Variants in PDHB observed in about 807,000 individuals in gnomAD.
PDHB encodes pyruvate dehydrogenase E1 subunit beta, also known as pyruvate dehydrogenase E1 component subunit beta, mitochondrial.
In PDHB, 17 loss-of-function variants were observed where a neutral mutation model predicts 42.8. The ratio of observed to expected loss-of-function variants is 0.40; its 90% CI spans 0.27 to 0.60. The LOEUF (loss-of-function observed/expected upper bound fraction) is 0.60, where lower values mean the gene tolerates loss of function less well. PDHB is among the 20% of genes least tolerant of loss of function. The pLI is 0.46. For missense variants in PDHB, 322 were observed against 451.3 expected (o/e 0.71, Z 2.60); for synonymous variants, 154 against 148.7 (o/e 1.04, Z -0.26).
In PDHB at chr3:58,431,602, A is replaced by T; in HGVS notation, c.294T>A (p.Gly98=). ...AAAGAGTATTACATACCATAGCTGC[A>T]CCTACAGCAATTCCAGCAAAGCCCA... ...SEMGFAGIAV[G]AAMAGLRPIC... Residue 98 remains glycine (G), a synonymous_variant, in exon 5 of 10, where the codon GGT becomes GGA. Transcript: ENST00000302746. The surrounding 1 kb of genome is among the most constrained non-coding windows in gnomAD (Gnocchi z 4.4). 6.2e-7 allele frequency: 1 copy of T among 1,604,970 alleles called. No individual in the cohort carries two copies.
intron 6 of PDHB, 124 bp from the exon 7 acceptor site, chr3:58,430,362 A>G: frequency 1.4e-6 from 1 of 725,748 alleles, no homozygotes; most frequent in Non-Finnish European, 2.3e-6. Flanking sequence ...TATCTCTACC[A>G]TGACCAGCAG....
chr3:58,430,705 C>G lies in PDHB; in HGVS notation c.541G>C (p.Glu181Gln). 6.2e-7 allele frequency: 1 copy of G among 1,614,156 alleles called. No homozygotes were observed. Among genetic ancestry groups the G allele is most frequent in the Non-Finnish European group, 8.5e-7 (1 of 1,180,022 alleles). Reference protein sequence around the residue: ...GLKVVSPWNSEDAKGLIKSAI... With the variant: ...GLKVVSPWNSQDAKGLIKSAI... ...GATTTAATAAGTCCTTTAGCATCCT[C>G]TGAATTCCAGGGACTGACCACCTTT... Residue 181 changes from glutamate to glutamine, a missense_variant, in exon 6 of 10, where the codon GAG becomes CAG. By Grantham distance (29) the Glu-to-Gln change is conservative. Transcript: ENST00000302746.
Position 58,431,178 on chromosome 3 carries a change from C to T in PDHB, c.304-236G>A, listed in dbSNP as rs543027212. On this transcript the variant is annotated intron_variant, in intron 5 of 9. Transcript: ENST00000302746. The surrounding 1 kb of genome is among the most constrained non-coding windows in gnomAD (Gnocchi z 4.4). ...TCCTCAGCATCCCGAGTAGCTGGGA[C>T]TGCAGGCAAGCACCACCACATCTAC... The T allele has an allele frequency of 7.2e-5, 41 of 568,504 alleles. No individual in the cohort carries two copies. The highest frequency in any genetic ancestry group is 6.4e-4 in the African/African-American group (34 of 53,456). 35.2% of individuals were successfully genotyped at this position (568,504 alleles called of 1,614,324 possible). A position where few individuals can be genotyped will look rare whatever the true frequency, so the allele number is the denominator to read the frequency against.
Position 58,428,603 on chromosome 3 carries a change from C to T in PDHB, c.804G>A (p.Met268Ile), listed in dbSNP as rs774836997. Residue 268 changes from methionine to isoleucine, a missense_variant, in exon 9 of 10, where the codon ATG becomes ATA. Met to Ile is a conservative substitution (Grantham distance 10). Transcript: ENST00000302746. Reference sequence around the variant, plus strand: ...CCATGTCCATTGGTCTAATGGTACGCATATTTATCACCTAAACAGGTAATA... The same window carrying T: ...CCATGTCCATTGGTCTAATGGTACGTATATTTATCACCTAAACAGGTAATA... ...KEGVECEVIN[M>I]RTIRPMDMET... 4.3e-6 allele frequency: 7 copies of T among 1,612,654 alleles called. No homozygotes were observed. In the South Asian group the frequency reaches 7.7e-5, roughly 18 times the overall value.
At chr3:58,429,945 GA>G (rs1467068293) in intron 7 of PDHB, 146 bp from the exon 8 acceptor site, 1 of 738,606 alleles carries the variant, frequency 1.4e-6, no homozygotes, top group Non-Finnish European at 2.5e-6. Flanking sequence ...AGCCTTCCTA[GA>G]AATGAAACAC....
In PDHB at chr3:58,431,868, T is replaced by G. The variant is rs202068841; in HGVS notation, c.204+9A>C. 357 of 1,608,728 alleles carry G rather than the reference T, an allele frequency of 2.2e-4. 1 individual carries two copies. In the African/African-American group the frequency reaches 3.7e-3, roughly 17 times the overall value. On this transcript the variant is annotated intron_variant, in intron 3 of 9. Transcript: ENST00000302746. The surrounding 1 kb of genome is among the most constrained non-coding windows in gnomAD (Gnocchi z 4.4). ...TCAATTTTGTATAACTTTCATATATTTTAGTTACCTTGTATGCCCCATCAT... is the reference window on the plus strand; with the variant it reads ...TCAATTTTGTATAACTTTCATATATGTTAGTTACCTTGTATGCCCCATCAT...
Position 58,431,407 on chromosome 3 carries a change from G to C in PDHB, c.303+186C>G. Reference sequence around the variant, plus strand: ...CTACTAAAAACACAAAAATTGGCTAGGCACAGTGGCGCGACCTGTAACCCC... The same window carrying C: ...CTACTAAAAACACAAAAATTGGCTACGCACAGTGGCGCGACCTGTAACCCC... On this transcript the variant is annotated intron_variant, in intron 5 of 9. Coordinates refer to ENST00000302746, the MANE Select transcript of PDHB (RefSeq NM_000925.4). The surrounding 1 kb of genome is among the most constrained non-coding windows in gnomAD (Gnocchi z 4.4). 1.7e-6 allele frequency: 1 copy of C among 603,422 alleles called. No homozygotes were observed. Among genetic ancestry groups the C allele is most frequent in the Non-Finnish European group, 3.0e-6 (1 of 338,158 alleles). The allele number at this position is 603,422 out of a possible 1,614,324, so 37.4% of individuals were successfully genotyped here.
At chr3:58,429,376 G>A (rs80150118) in intron 8 of PDHB, among the ~76,000 whole-genome samples, 8 of 151,818 alleles carry the variant, frequency 5.3e-5, no homozygotes, top group African/African-American at 1.5e-4. Flanking sequence ...AGGAGTTCAC[G>A]GTTACAGTGA....
rs2062943266 is a variant in PDHB at position 58,433,614 on chromosome 3, G to C, written c.96+17C>G. On this transcript the variant is annotated intron_variant, in intron 2 of 9. Transcript: ENST00000302746. ...GACCCTCCCCGCCCTCGTCCGACGA[G>C]CACCCGCGCCTGTTACCTGCAGCGC... The C allele has an allele frequency of 6.2e-7, 1 of 1,606,168 alleles. No individual in the cohort carries two copies. The highest frequency in any genetic ancestry group is 8.5e-7 in the Non-Finnish European group (1 of 1,177,530).
At chr3:58,433,451 G>A in intron 2 of PDHB, 180 bp downstream of exon 2, 1 of 663,834 alleles carries the variant, frequency 1.5e-6, no homozygotes, top group Admixed American at 2.4e-5. Context: ...GTGGTGACTC[G>A]CCGGTGTGCT....
chr3:58,432,904 C>A (rs987845730), intron 2 of PDHB: 2 of 150,430 alleles, frequency 1.3e-5, no homozygotes, highest in Non-Finnish European at 2.9e-5. Flanking sequence ...GAGTGTGAGG[C>A]GCGAGAATCC....
rs2062907871 is a variant in PDHB, at chr3:58,430,157, G to A, written c.671C>T (p.Pro224Leu). The A allele has an allele frequency of 6.2e-7, 1 of 1,610,030 alleles. No individual in the cohort carries two copies. The highest frequency in any genetic ancestry group is 1.3e-5 in the African/African-American group (1 of 74,834). ...PEAQSKDFLI[P>L]IGKAKIERQG... ...CCTTTCTATTTTGGCTTTTCCAATAGGAATCAGAAAATCTTTTGACTGAGC... is the reference window on the plus strand; with the variant it reads ...CCTTTCTATTTTGGCTTTTCCAATAAGAATCAGAAAATCTTTTGACTGAGC... The change falls in exon 7 of 10, where the codon CCT (proline) becomes CTT (leucine). Residue 224 changes from proline (P) to leucine (L), a missense_variant. Pro to Leu is a moderately conservative substitution (Grantham distance 98). Transcript: ENST00000302746.
In PDHB at chr3:58,431,097, C is replaced by T. The variant is rs781457101; in HGVS notation, c.304-155G>A. On this transcript the variant is annotated intron_variant, in intron 5 of 9. Coordinates refer to ENST00000302746, the MANE Select transcript of PDHB (RefSeq NM_000925.4). The surrounding 1 kb of genome is among the most constrained non-coding windows in gnomAD (Gnocchi z 4.4). Reference sequence around the variant, plus strand: ...TCTCACTGTCACCCATGCTGGAGTGCAGTGGCACACATCATAGCTCACTGC... The same window carrying T: ...TCTCACTGTCACCCATGCTGGAGTGTAGTGGCACACATCATAGCTCACTGC... The T allele has an allele frequency of 7.0e-5, 52 of 739,198 alleles. No individual in the cohort carries two copies. Among genetic ancestry groups the T allele is most frequent in the African/African-American group, 3.5e-5 (2 of 57,398 alleles). 45.8% of individuals were successfully genotyped at this position (739,198 alleles called of 1,614,324 possible). A position where few individuals can be genotyped will look rare whatever the true frequency, so the allele number is the denominator to read the frequency against.
At chr3:58,429,968 A>G (rs1394820012) in intron 7 of PDHB, 160 bp downstream of exon 7, 3 of 730,044 alleles carry the variant, frequency 4.1e-6, no homozygotes, top group Non-Finnish European at 7.5e-6. Context: ...AACCTACCAG[A>G]CTGAGATCTA....
In PDHB at chr3:58,428,620, C is replaced by CAGGT. The variant is rs2062893900; in HGVS notation, c.793-10_793-7dup. 1 of 1,608,584 alleles carries CAGGT rather than the reference C, an allele frequency of 6.2e-7. No individual in the cohort carries two copies. The highest frequency in any genetic ancestry group is 8.5e-7 in the Non-Finnish European group (1 of 1,175,254). The stretch of plus-strand genomic sequence containing the variant: ...ATGGTACGCATATTTATCACCTAAA[C>CAGGT]AGGTAATATAATCAAGTTTACAGAG... On this transcript the variant is annotated splice_polypyrimidine_tract_variant and splice_region_variant and intron_variant, in intron 8 of 9. Coordinates refer to ENST00000302746, the MANE Select transcript of PDHB (RefSeq NM_000925.4).
chr3:58,428,765 C>A, intron 8 of PDHB, 151 bp from the exon 9 acceptor site: 1 of 678,012 alleles, frequency 1.5e-6, no homozygotes, highest in Non-Finnish European at 2.5e-6. Flanking sequence ...AATGTACAAA[C>A]TGTAAAAGGA....
intron 8 of PDHB, chr3:58,428,916 G>A (rs2062896390): frequency 1.1e-5 from 4 of 354,036 alleles, no homozygotes; most frequent in South Asian, 8.6e-5. Context: ...GTGCAGTGGC[G>A]TGATCTCGGC....
At position 58,431,515 on chromosome 3, in the gene PDHB, AGT is replaced by A. The variant is rs2062920339; in HGVS notation, c.303+76_303+77del. 1.9e-5 allele frequency: 22 copies of A among 1,135,928 alleles called. 2 individuals are homozygous for A. The South Asian group carries it at 2.7e-4, about 14-fold the overall frequency. 70.4% of individuals were successfully genotyped at this position (1,135,928 alleles called of 1,614,324 possible). ...CAGTGCACTCCAGGCTGGACAACAG[AGT>A]GAGACTCTGTCTCAAAAGAAAAAAA... On this transcript the variant is annotated intron_variant, in intron 5 of 9. Coordinates refer to ENST00000302746, the MANE Select transcript of PDHB (RefSeq NM_000925.4). The surrounding 1 kb of genome is among the most constrained non-coding windows in gnomAD (Gnocchi z 4.4).
intron 2 of PDHB, chr3:58,432,514 T>G (rs2062928731): frequency 5.8e-6 from 1 of 172,966 alleles, no homozygotes; most frequent in African/African-American, 2.4e-5. Flanking sequence ...CTGGCCAACA[T>G]GGTGAAACCC....
Sources: gnomAD v4.1 joint callset for allele counts (sites outside exome capture counted in the v4.1 genomes callset) on GRCh38, gnomAD v4.1.1 for gene constraint, Gnocchi (gnomAD v3.1) non-coding constraint, MANE v1.5 for transcripts, NCBI Gene and HGNC (gene_info 2026-07-23, HGNC 2026-07-21) for gene names.